Variants in SPANXN1 observed in about 807,000 individuals in gnomAD.
SPANXN1 encodes the protein SPANX family member N1.
A neutral mutation model predicts 2.0 loss-of-function variants in SPANXN1; 1 was observed. The observed-to-expected ratio is 0.50, with a 90% CI of 0.18 to 2.36. The LOEUF (loss-of-function observed/expected upper bound fraction) is 2.36. Among genes scored for constraint, SPANXN1 ranks in the 30% most tolerant of loss-of-function variants. The pLI is 0.26. For synonymous variants in SPANXN1, 27 were observed against 21.3 expected (o/e 1.27, Z -0.74); for missense variants, 55 against 51.8 (o/e 1.06, Z -0.19).
chrX:145,248,043 C>T (rs1375770337), intron 1 of SPANXN1, among the ~76,000 whole-genome samples: 2 of 111,915 alleles, frequency 1.8e-5, no homozygotes, highest in African/African-American at 3.3e-5. Flanking sequence ...CCTGAACCCC[C>T]GTGGAATGTT....
chrX:145,255,522 T>A, intron 1 of SPANXN1, 149 bp from the exon 2 acceptor site: 2 of 860,885 alleles, frequency 2.3e-6, no homozygotes, highest in Non-Finnish European at 3.3e-6. Context: ...TCCCCATAGA[T>A]CCCTACCCTA....
At position 145,255,677 on chromosome X, in the gene SPANXN1, G is replaced by A. The variant is rs1444654469; in HGVS notation, c.82G>A (p.Glu28Lys). Residue 28 changes from glutamate (E) to lysine (K), a missense_variant, in exon 2 of 2, where the codon GAG (glutamate) becomes AAG (lysine). By Grantham distance (56) the Glu-to-Lys change is moderately conservative. Transcript: ENST00000370493. ...CTCCCTGTTTTCTTAACAGATGCAG[G>A]AGACACCAAACAGGGACTTAGCCCC... ...ESNNENDEMQ[E>K]TPNRDLAPEP... 8.3e-7 allele frequency: 1 copy of A among 1,210,056 alleles called. No individual in the cohort carries two copies. Among genetic ancestry groups the A allele is most frequent in the Non-Finnish European group, 1.1e-6 (1 of 895,307 alleles).
At chrX:145,251,264 G>C (rs1216822423) in intron 1 of SPANXN1, among the ~76,000 whole-genome samples, 1 of 111,660 alleles carries the variant, frequency 9.0e-6, no homozygotes, top group Non-Finnish European at 1.9e-5. Flanking sequence ...CAGGGAGGAG[G>C]GTGGCTGGGT....
At chrX:145,255,181 T>C (rs2070803452) in intron 1 of SPANXN1, among the ~76,000 whole-genome samples, 2 of 111,744 alleles carry the variant, frequency 1.8e-5, no homozygotes, top group Non-Finnish European at 3.8e-5. Flanking sequence ...CCTGGGGTAC[T>C]TACAGGTATG....
intron 1 of SPANXN1, among the ~76,000 whole-genome samples, chrX:145,249,363 G>C (rs868958574): frequency 3.6e-5 from 4 of 110,902 alleles, no homozygotes; most frequent in Middle Eastern, 4.6e-3. Flanking sequence ...GATTTGAGTA[G>C]GAGTGAAATT....
At chrX:145,249,456 C>G (rs1556882244) in intron 1 of SPANXN1, among the ~76,000 whole-genome samples, 3 of 110,965 alleles carry the variant, frequency 2.7e-5, no homozygotes, top group Non-Finnish European at 5.7e-5. Context: ...GAAGGGAAAC[C>G]AGGAAAGATC....
intron 1 of SPANXN1, among the ~76,000 whole-genome samples, chrX:145,250,794 C>T (rs1250493953): frequency 9.8e-5 from 11 of 111,707 alleles, no homozygotes; most frequent in East Asian, 2.8e-4. Flanking sequence ...TGTAACCTTT[C>T]GGTGTCCCTT....
intron 1 of SPANXN1, among the ~76,000 whole-genome samples, chrX:145,253,972 A>G (rs73639616): frequency 0.058 from 6,356 of 109,700 alleles, 463 homozygotes; most frequent in African/African-American, 0.2. Flanking sequence ...CAAGGGAAGG[A>G]CTTTGGAAGG....
chrX:145,252,598 G>C (rs1410527873), intron 1 of SPANXN1, among the ~76,000 whole-genome samples: 3 of 111,096 alleles, frequency 2.7e-5, no homozygotes, highest in Non-Finnish European at 3.8e-5. Context: ...TTTTAACTGG[G>C]ATGTGATGTG....
intron 1 of SPANXN1, among the ~76,000 whole-genome samples, chrX:145,255,014 C>A (rs1302483561): frequency 5.2e-4 from 58 of 111,089 alleles, no homozygotes; most frequent in African/African-American, 1.8e-3. Flanking sequence ...ACCAACCACT[C>A]CAGGTTTTGA....
intron 1 of SPANXN1, among the ~76,000 whole-genome samples, chrX:145,251,759 T>G (rs1205217393): frequency 9.0e-6 from 1 of 110,794 alleles, no homozygotes; most frequent in Non-Finnish European, 1.9e-5. Context: ...GGTTTGGGGA[T>G]TTTAGGATGG....
chrX:145,249,121 T>G (rs1272419072), intron 1 of SPANXN1, among the ~76,000 whole-genome samples: 1 of 110,821 alleles, frequency 9.0e-6, no homozygotes. Context: ...ATTGGTTAAG[T>G]AGGTGAGATG....
chrX:145,255,681 CA>C lies in SPANXN1; in HGVS notation c.87del (p.Pro30GlnfsTer5). On this transcript the variant is annotated frameshift_variant, in exon 2 of 2. Transcript: ENST00000370493. LOFTEE classifies it low-confidence loss of function (END_TRUNC). ...CTGTTTTCTTAACAGATGCAGGAGA[CA>C]CCAAACAGGGACTTAGCCCCCGAAC... ...SNNENDEMQETPNRDLAPEPS... is the reference protein window; with the variant it reads ...SNNENDEMQEXPNRDLAPEPS... The C allele has an allele frequency of 1.7e-6, 2 of 1,211,914 alleles. No homozygotes were observed. Among genetic ancestry groups the C allele is most frequent in the Non-Finnish European group, 2.2e-6 (2 of 895,552 alleles).
chrX:145,253,096 A>G (rs2070792865), intron 1 of SPANXN1, among the ~76,000 whole-genome samples: 1 of 110,876 alleles, frequency 9.0e-6, no homozygotes, highest in African/African-American at 3.3e-5. Flanking sequence ...ACGGGTGGTG[A>G]AGCAGGATGA....
intron 1 of SPANXN1, among the ~76,000 whole-genome samples, chrX:145,249,532 T>C (rs782202163): frequency 1.5e-4 from 17 of 111,596 alleles, no homozygotes; most frequent in Non-Finnish European, 2.4e-4. Flanking sequence ...TAGGGTGTTC[T>C]GGATTGGCAA....
rs148223407 is a variant in SPANXN1, at chrX:145,255,709, G to A, written c.114G>A (p.Pro38=). Reference sequence around the variant, plus strand: ...CAAACAGGGACTTAGCCCCCGAACCGAGTTTGAAAAAGATGAAAACGTCAG... The same window carrying A: ...CAAACAGGGACTTAGCCCCCGAACCAAGTTTGAAAAAGATGAAAACGTCAG... ...ETPNRDLAPE[P]SLKKMKTSEY... is the part of the protein sequence containing the mutation. The change falls in exon 2 of 2, where the codon CCG becomes CCA. Residue 38 remains proline (P), a synonymous_variant. Transcript: ENST00000370493. The A allele has an allele frequency of 3.7e-4, 450 of 1,210,324 alleles. No individual in the cohort carries two copies. Among genetic ancestry groups the A allele is most frequent in the Middle Eastern group, 2.8e-3 (12 of 4,348 alleles).
intron 1 of SPANXN1, among the ~76,000 whole-genome samples, chrX:145,252,431 T>A (rs1247328235): frequency 9.0e-6 from 1 of 111,167 alleles, no homozygotes; most frequent in Admixed American, 9.6e-5. Context: ...CTTGTCTGTC[T>A]TCTGGAAAGC....
chrX:145,248,765 G>A (rs2070772715), intron 1 of SPANXN1, among the ~76,000 whole-genome samples: 1 of 111,640 alleles, frequency 9.0e-6, no homozygotes, highest in Non-Finnish European at 1.9e-5. Context: ...GGTGGTGGAG[G>A]AGGTGAAGGC....
At chrX:145,250,178 A>G (rs2070779950) in intron 1 of SPANXN1, among the ~76,000 whole-genome samples, 2 of 111,924 alleles carry the variant, frequency 1.8e-5, no homozygotes, top group Admixed American at 9.5e-5. Context: ...AAACAAATTG[A>G]CCCATTGTCT....
Sources: allele counts gnomAD v4.1 joint callset (sites outside exome capture counted in the v4.1 genomes callset), GRCh38; gene constraint gnomAD v4.1.1; transcripts MANE v1.5; gene names NCBI Gene and HGNC (gene_info 2026-07-23, HGNC 2026-07-21).